Variants in RHBDD1 observed in about 807,000 individuals in gnomAD.
RHBDD1 encodes rhomboid domain containing 1.
Under a neutral mutation model 36.3 loss-of-function variants are expected in RHBDD1, and 38 were observed. The observed-to-expected ratio is 1.05, with a 90% CI of 0.81 to 1.37. RHBDD1 has a LOEUF of 1.37. Among genes scored for constraint, RHBDD1 ranks in the 40% most tolerant of loss-of-function variants. RHBDD1 has a pLI of 0.00. For missense variants in RHBDD1, 393 were observed against 377.6 expected (o/e 1.04, Z -0.34); for synonymous variants, 151 against 136.5 (o/e 1.11, Z -0.74).
chr2:226,863,820 G>A (rs1473629574), intron 3 of RHBDD1, among the ~76,000 whole-genome samples: 1 of 152,206 alleles, frequency 6.6e-6, no homozygotes, highest in Non-Finnish European at 1.5e-5. Flanking sequence ...CAGCGGGGTG[G>A]AGAAGCGGGC....
At chr2:226,803,180 A>G in the RHBDD1 span, among the ~76,000 whole-genome samples, 1 of 152,198 alleles carries the variant, frequency 6.6e-6, no homozygotes, top group Admixed American at 6.5e-5. Context: ...TTATTTTAAG[A>G]TGGCTCAATA....
chr2:226,922,705 T>G (rs115412153), intron 8 of RHBDD1, among the ~76,000 whole-genome samples: 2,949 of 152,238 alleles, frequency 0.019, 91 homozygotes, highest in African/African-American at 0.068. Context: ...TTCCCTTCCT[T>G]CCTGCCTTCC....
chr2:226,839,852 G>C (rs990836443), intron 3 of RHBDD1, among the ~76,000 whole-genome samples: 2 of 152,068 alleles, frequency 1.3e-5, no homozygotes, highest in Non-Finnish European at 2.9e-5. Flanking sequence ...AAAGCTATTT[G>C]GCATTTTAAC....
intron 5 of RHBDD1, among the ~76,000 whole-genome samples, chr2:226,885,896 G>T (rs187187573): frequency 1.3e-4 from 20 of 152,170 alleles, no homozygotes; most frequent in Non-Finnish European, 1.9e-4. Context: ...AACCGAGATG[G>T]CTGTTAAGTG....
At chr2:226,934,230 G>A (rs897586633) in intron 8 of RHBDD1, among the ~76,000 whole-genome samples, 7 of 152,022 alleles carry the variant, frequency 4.6e-5, no homozygotes, top group Non-Finnish European at 1.0e-4. Flanking sequence ...CTTGCTTATG[G>A]TATTCACCAC....
At chr2:226,902,468 C>T (rs1033836465) in intron 5 of RHBDD1, among the ~76,000 whole-genome samples, 1 of 152,184 alleles carries the variant, frequency 6.6e-6, no homozygotes, top group Non-Finnish European at 1.5e-5. Context: ...TCTATCTTCT[C>T]GCTCAGGATG....
chr2:226,807,631 T>G, the RHBDD1 span: 1 of 152,278 alleles, frequency 6.6e-6, no homozygotes, highest in Non-Finnish European at 1.5e-5. Context: ...AGGAGGTAAG[T>G]GCAGTGGGAG....
chr2:226,996,381 A>C lies in RHBDD1; in HGVS notation c.*859A>C, dbSNP rs2149628159. 6.6e-6 allele frequency: 1 copy of C among 152,372 alleles called. No homozygotes were observed. The highest frequency in any genetic ancestry group is 1.5e-5 in the Non-Finnish European group (1 of 68,038). The allele number at this position is 152,372 out of a possible 1,614,324, so 9.4% of individuals were successfully genotyped here. On this transcript the variant is annotated 3_prime_UTR_variant, in exon 9 of 9. Coordinates refer to ENST00000392062, the MANE Select transcript of RHBDD1 (RefSeq NM_001167608.3). ...GTTTTTCCTCATAAAAGTGCCTCTTAATTGGCCATTGTACCAGCCACTTGT... is the reference window on the plus strand; with the variant it reads ...GTTTTTCCTCATAAAAGTGCCTCTTCATTGGCCATTGTACCAGCCACTTGT...
intron 5 of RHBDD1, chr2:226,895,704 T>A: frequency 1.0e-6 from 1 of 984,678 alleles, no homozygotes; most frequent in Non-Finnish European, 1.2e-6. Context: ...AGAAGCTTAG[T>A]AATACTGCAA....
chr2:226,962,471 T>G (rs900314173), intron 8 of RHBDD1, among the ~76,000 whole-genome samples: 4 of 152,244 alleles, frequency 2.6e-5, no homozygotes, highest in Non-Finnish European at 5.9e-5. Context: ...ATTCATAAAT[T>G]TGCTAATTAT....
chr2:226,970,840 G>A (rs954247624), intron 8 of RHBDD1, among the ~76,000 whole-genome samples: 19 of 152,104 alleles, frequency 1.2e-4, no homozygotes, highest in African/African-American at 3.1e-4. Context: ...TGTGTGCCTC[G>A]GAGAGGAGGG....
At chr2:226,908,330 CCT>C (rs1948223710) in intron 6 of RHBDD1, 3 of 152,752 alleles carry the variant, frequency 2.0e-5, no homozygotes, top group Admixed American at 1.9e-4. Flanking sequence ...CTTGGCCCTC[CCT>C]CTCTCATTTC....
intron 5 of RHBDD1, chr2:226,867,581 T>A (rs1896833): frequency 0.12 from 119,735 of 984,696 alleles, 15,667 homozygotes; most frequent in African/African-American, 0.64. Context: ...CCTGCTATAC[T>A]GATCTGAGGA....
chr2:226,919,361 C>T (rs1326910358), intron 8 of RHBDD1, among the ~76,000 whole-genome samples: 1 of 151,900 alleles, frequency 6.6e-6, no homozygotes, highest in Admixed American at 6.6e-5. Flanking sequence ...GCTTTTTGAC[C>T]TGTGCTTGTG....
the RHBDD1 span, among the ~76,000 whole-genome samples, chr2:226,828,877 TTAAGTA>T: frequency 6.6e-5 from 10 of 152,274 alleles, no homozygotes; most frequent in South Asian, 2.1e-4. Flanking sequence ...ATGATGTCTT[TTAAGTA>T]TATTTTTTAA....
the RHBDD1 span, among the ~76,000 whole-genome samples, chr2:226,825,403 T>A: frequency 1.2e-4 from 18 of 152,342 alleles, no homozygotes; most frequent in Middle Eastern, 0.01. Flanking sequence ...TCTACTATTA[T>A]CCTGTGACCA....
chr2:226,866,185 C>T (rs919434960), intron 4 of RHBDD1, among the ~76,000 whole-genome samples: 3 of 152,262 alleles, frequency 2.0e-5, no homozygotes, highest in Non-Finnish European at 2.9e-5. Flanking sequence ...ATTCTCCTGC[C>T]ACAGCCTCCC....
chr2:226,810,225 T>C, the RHBDD1 span, among the ~76,000 whole-genome samples: 1 of 152,076 alleles, frequency 6.6e-6, no homozygotes, highest in African/African-American at 2.4e-5. Flanking sequence ...ACTGTATTTT[T>C]AAAATAAAAT....
chr2:226,873,204 A>G (rs1271433897), intron 5 of RHBDD1, among the ~76,000 whole-genome samples: 3 of 152,176 alleles, frequency 2.0e-5, no homozygotes, highest in African/African-American at 7.2e-5. Context: ...CCATTTTTGC[A>G]CTGTAAAGAC....
Sources: allele counts gnomAD v4.1 joint callset (sites outside exome capture counted in the v4.1 genomes callset), GRCh38; gene constraint gnomAD v4.1.1; transcripts MANE v1.5; gene names NCBI Gene and HGNC (gene_info 2026-07-23, HGNC 2026-07-21).